PRKD1: variants seen among roughly 807,000 people sequenced by gnomAD.
PRKD1 encodes the protein serine/threonine-protein kinase D1.
Under a neutral mutation model 95.9 loss-of-function variants are expected in PRKD1, and 63 were observed. The observed-to-expected ratio is 0.66, with a 90% CI of 0.54 to 0.81. The LOEUF is 0.81. Among genes scored for constraint, PRKD1 ranks in the 30% least tolerant of loss-of-function variants. PRKD1 has a pLI of 0.00. For missense variants in PRKD1, 1,048 were observed against 1,165.3 expected, an observed-to-expected ratio of 0.90 and a Z score of 1.47; for synonymous variants, 425 against 423.1, an observed-to-expected ratio of 1.00 and a Z score of -0.05.
rs45585739 is a variant in PRKD1 at position 29,893,647 on chromosome 14, A to G, written c.264+33602T>C. ...TTAAAAGATGAGAAACACCTTGCTGACATCATTTTCTTTAGCAGTGGTTCT... is the reference window on the plus strand; with the variant it reads ...TTAAAAGATGAGAAACACCTTGCTGGCATCATTTTCTTTAGCAGTGGTTCT... On this transcript the variant is annotated intron_variant, in intron 1 of 17. Coordinates refer to ENST00000331968, the MANE Select transcript of PRKD1 (RefSeq NM_002742.3). Among the ~76,000 whole-genome samples the G allele has an allele frequency of 1.8e-3, 271 of 152,344 alleles. 2 individuals are homozygous for G. The highest frequency in any genetic ancestry group is 2.9e-3 in the Non-Finnish European group (196 of 68,032).
intron 4 of PRKD1, among the ~76,000 whole-genome samples, chr14:29,654,267 G>A (rs1019947727): frequency 6.6e-6 from 1 of 152,030 alleles, no homozygotes; most frequent in African/African-American, 2.4e-5. Flanking sequence ...TGCCTCTCGG[G>A]TTCAAGCAAT....
chr14:29,658,903 T>C (rs1882040282), intron 4 of PRKD1, among the ~76,000 whole-genome samples: 1 of 152,240 alleles, frequency 6.6e-6, no homozygotes, highest in African/African-American at 2.4e-5. Flanking sequence ...TTAATTATTA[T>C]GACATAACAT....
chr14:29,862,478 A>G (rs1006857927), intron 1 of PRKD1, among the ~76,000 whole-genome samples: 3 of 152,204 alleles, frequency 2.0e-5, no homozygotes, highest in African/African-American at 7.2e-5. Context: ...TAGTGATTGT[A>G]ATAATTTACA....
chr14:29,631,042 T>C, intron 9 of PRKD1, 21 bp from the exon 10 acceptor site: 1 of 1,572,156 alleles, frequency 6.4e-7, no homozygotes. Context: ...AAAAAAGTAC[T>C]AAATGTTGTT....
rs772470706 is a variant in PRKD1, at chr14:29,634,561, G to A, written c.1191-20C>T. 40 of 1,613,152 alleles carry A rather than the reference G, an allele frequency of 2.5e-5. No individual in the cohort carries two copies. Among genetic ancestry groups the A allele is most frequent in the Non-Finnish European group, 3.2e-5 (38 of 1,179,474 alleles). ...GATGGACTTGAGAAGTCAAAATATTGTAGGGAAAAAATGTTTTCAGGTACA... is the reference window on the plus strand; with the variant it reads ...GATGGACTTGAGAAGTCAAAATATTATAGGGAAAAAATGTTTTCAGGTACA... On this transcript the variant is annotated intron_variant, in intron 7 of 17. Transcript: ENST00000331968.
Position 29,884,884 on chromosome 14 carries a change from AG to A in PRKD1, c.264+42364del, listed in dbSNP as rs571058373. On this transcript the variant is annotated intron_variant, in intron 1 of 17. Coordinates refer to ENST00000331968, the MANE Select transcript of PRKD1 (RefSeq NM_002742.3). ...ACGCCTGTAATCCCAGCACTTTGGG[AG>A]GCCGAAGCGGGTGGATCACGAGGTC... Among the ~76,000 whole-genome samples the A allele has an allele frequency of 7.1e-4, 108 of 152,284 alleles. 1 individual carries two copies. Among genetic ancestry groups the A allele is most frequent in the Non-Finnish European group, 6.8e-4 (46 of 68,026 alleles).
chr14:29,793,128 T>A (rs552431324), intron 1 of PRKD1, among the ~76,000 whole-genome samples: 130 of 151,970 alleles, frequency 8.6e-4, no homozygotes, highest in Admixed American at 3.1e-3. Context: ...TATGCATAAA[T>A]ATACAAGGGT....
At chr14:29,821,962 G>A (rs2139271471) in intron 1 of PRKD1, among the ~76,000 whole-genome samples, 1 of 152,194 alleles carries the variant, frequency 6.6e-6, no homozygotes, top group Non-Finnish European at 1.5e-5. Flanking sequence ...GAGACCACCA[G>A]TCTAGTGCAA....
At chr14:29,843,707 C>G (rs1428930175) in intron 1 of PRKD1, among the ~76,000 whole-genome samples, 1 of 152,152 alleles carries the variant, frequency 6.6e-6, no homozygotes, top group Non-Finnish European at 1.5e-5. Flanking sequence ...ACAAACATTC[C>G]TACCTACAAT....
chr14:29,626,274 G>A (rs1223507065), intron 12 of PRKD1, among the ~76,000 whole-genome samples: 1 of 152,072 alleles, frequency 6.6e-6, no homozygotes, highest in African/African-American at 2.4e-5. Context: ...TCAGGAATAT[G>A]AAACCTTCTC....
intron 2 of PRKD1, among the ~76,000 whole-genome samples, chr14:29,716,579 T>C (rs1885622762): frequency 6.6e-6 from 1 of 152,122 alleles, no homozygotes. Context: ...GGCCACCTCT[T>C]AGGAGCTGTA....
intron 1 of PRKD1, among the ~76,000 whole-genome samples, chr14:29,852,964 G>A (rs1892364240): frequency 6.6e-6 from 1 of 152,076 alleles, no homozygotes; most frequent in South Asian, 2.1e-4. Flanking sequence ...CAAAACATAT[G>A]ATCCAACTAT....
At chr14:29,808,348 A>C (rs1487979073) in intron 1 of PRKD1, among the ~76,000 whole-genome samples, 1 of 134,200 alleles carries the variant, frequency 7.5e-6, no homozygotes, top group Non-Finnish European at 1.5e-5. Flanking sequence ...AGATTGCAGC[A>C]ATTCGGTCCT....
chr14:29,871,109 A>G (rs964588804), intron 1 of PRKD1, among the ~76,000 whole-genome samples: 1 of 152,134 alleles, frequency 6.6e-6, no homozygotes, highest in Non-Finnish European at 1.5e-5. Flanking sequence ...TAGGTGACAA[A>G]ACTTTACTGA....
chr14:29,830,292 C>G (rs1325099818), intron 1 of PRKD1, among the ~76,000 whole-genome samples: 1 of 152,158 alleles, frequency 6.6e-6, no homozygotes, highest in Non-Finnish European at 1.5e-5. Context: ...TCCCTCCTTC[C>G]CCACCCTCTA....
chr14:29,688,948 CA>C (rs377212196), intron 2 of PRKD1, among the ~76,000 whole-genome samples: 6,584 of 32,508 alleles, frequency 0.2, 33 homozygotes, highest in African/African-American at 0.29. Context: ...GACTCCGTCT[CA>C]AAAAAAAAAA....
intron 2 of PRKD1, among the ~76,000 whole-genome samples, chr14:29,681,040 A>C (rs1413492048): frequency 6.6e-6 from 1 of 152,218 alleles, no homozygotes; most frequent in African/African-American, 2.4e-5. Context: ...GGAGCGAAGG[A>C]GCAGAATCCA....
intron 1 of PRKD1, among the ~76,000 whole-genome samples, chr14:29,816,308 G>C (rs1386455524): frequency 6.6e-6 from 1 of 152,070 alleles, no homozygotes; most frequent in Non-Finnish European, 1.5e-5. Flanking sequence ...CAGTAGTTTT[G>C]GGAAATCAGT....
At chr14:29,793,863 T>A (rs1415031671) in intron 1 of PRKD1, among the ~76,000 whole-genome samples, 1 of 152,050 alleles carries the variant, frequency 6.6e-6, no homozygotes, top group African/African-American at 2.4e-5. Flanking sequence ...AATGGTAAAA[T>A]TAAGGAGAGA....
Sources: allele counts gnomAD v4.1 joint callset (sites outside exome capture counted in the v4.1 genomes callset), GRCh38; gene constraint gnomAD v4.1.1; transcripts MANE v1.5; gene names NCBI Gene and HGNC (gene_info 2026-07-23, HGNC 2026-07-21).